Variants in ATP8B1 observed in about 807,000 individuals in gnomAD.
ATP8B1 encodes the protein phospholipid-transporting ATPase IC.
ATP8B1 carries 80 observed loss-of-function variants against 149.9 expected under a neutral mutation model. The observed-to-expected ratio is 0.53, with a 90% CI of 0.45 to 0.64. The LOEUF is 0.64. ATP8B1 is among the 30% of genes least tolerant of loss of function. The probability of loss-of-function intolerance (pLI) is 0.00; values close to 1 mark genes in which losing one functional copy is unlikely to be tolerated. For missense variants in ATP8B1, 1,247 were observed against 1,552.6 expected, an observed-to-expected ratio of 0.80 and a Z score of 3.31; for synonymous variants, 536 against 562.8, an observed-to-expected ratio of 0.95 and a Z score of 0.67.
intron 1 of ATP8B1, among the ~76,000 whole-genome samples, chr18:57,759,082 G>GGAGGTGGA (rs2080117062): frequency 6.7e-6 from 1 of 148,392 alleles, no homozygotes. Context: ...CTTGAACCCG[G>GGAGGTGGA]GAGGTGGAGG....
At chr18:57,673,877 T>C (rs2122742612) in intron 16 of ATP8B1, among the ~76,000 whole-genome samples, 2 of 152,304 alleles carry the variant, frequency 1.3e-5, no homozygotes, top group East Asian at 3.9e-4. Context: ...TGTGCCTGCA[T>C]TGCAGATATG....
chr18:57,798,354 C>T (rs150654168), intron 1 of ATP8B1, among the ~76,000 whole-genome samples: 214 of 151,546 alleles, frequency 1.4e-3, no homozygotes, highest in Non-Finnish European at 2.6e-3. Context: ...GGCAGGAGAA[C>T]TGCTTGAGCC....
intron 1 of ATP8B1, among the ~76,000 whole-genome samples, chr18:57,766,161 A>T (rs980011104): frequency 6.6e-6 from 1 of 150,850 alleles, no homozygotes; most frequent in Non-Finnish European, 1.5e-5. Context: ...CTCCTGCCTC[A>T]GCCTCCCAAG....
At chr18:57,717,449 G>A (rs1361062843) in intron 2 of ATP8B1, among the ~76,000 whole-genome samples, 1 of 148,726 alleles carries the variant, frequency 6.7e-6, no homozygotes, top group Non-Finnish European at 1.5e-5. Context: ...TGGGGAGGCT[G>A]AGGCAGGAGA....
intron 1 of ATP8B1, among the ~76,000 whole-genome samples, chr18:57,755,758 G>A (rs79274880): frequency 0.017 from 2,533 of 152,222 alleles, 44 homozygotes; most frequent in African/African-American, 0.055. Flanking sequence ...TCCAGGCCTT[G>A]AAAACAGAGA....
chr18:57,739,797 T>C (rs2079892078), intron 1 of ATP8B1, among the ~76,000 whole-genome samples: 3 of 152,172 alleles, frequency 2.0e-5, no homozygotes, highest in Admixed American at 2.0e-4. Context: ...CCAAAAACCA[T>C]TGTCCAAGAT....
intron 1 of ATP8B1, among the ~76,000 whole-genome samples, chr18:57,792,741 T>C (rs560677324): frequency 4.2e-4 from 64 of 152,194 alleles, no homozygotes; most frequent in African/African-American, 1.4e-3. Flanking sequence ...GGCTGAACTG[T>C]ATGGTACATG....
At chr18:57,785,777 A>AT (rs1425195987) in intron 1 of ATP8B1, among the ~76,000 whole-genome samples, 1 of 152,186 alleles carries the variant, frequency 6.6e-6, no homozygotes, top group African/African-American at 2.4e-5. Context: ...AAGTGTTGGG[A>AT]TTACAGGCAT....
At chr18:57,791,351 C>CTTT (rs570282416) in intron 1 of ATP8B1, among the ~76,000 whole-genome samples, 53 of 82,384 alleles carry the variant, frequency 6.4e-4, no homozygotes, top group African/African-American at 1.9e-3. Context: ...CTTTTCTTTT[C>CTTT]TTTTTTTTTT....
At chr18:57,650,308 TG>T in intron 27 of ATP8B1, 58 bp downstream of exon 27, 1 of 1,596,530 alleles carries the variant, frequency 6.3e-7, no homozygotes, top group South Asian at 1.1e-5. Context: ...AACGTGCTGT[TG>T]GGAAACGCTT....
chr18:57,753,640 A>T (rs1357863337), intron 1 of ATP8B1, among the ~76,000 whole-genome samples: 2 of 152,200 alleles, frequency 1.3e-5, no homozygotes, highest in Non-Finnish European at 2.9e-5. Context: ...TAAAAAATGA[A>T]ATACAGGCCG....
At chr18:57,713,572 C>G (rs1913841348) in intron 2 of ATP8B1, among the ~76,000 whole-genome samples, 1 of 151,636 alleles carries the variant, frequency 6.6e-6, no homozygotes, top group African/African-American at 2.4e-5. Flanking sequence ...CTCACTGCAA[C>G]CTCCACCTAC....
At chr18:57,699,346 T>G (rs1315176535) in intron 6 of ATP8B1, among the ~76,000 whole-genome samples, 1 of 152,352 alleles carries the variant, frequency 6.6e-6, no homozygotes, top group South Asian at 2.1e-4. Context: ...AAGATCTTAA[T>G]TGGCTTTATT....
At chr18:57,759,431 T>G (rs12955409) in intron 1 of ATP8B1, among the ~76,000 whole-genome samples, 55,892 of 151,922 alleles carry the variant, frequency 0.37, 10,616 homozygotes, top group Non-Finnish European at 0.41. Context: ...CAAGTAAATA[T>G]TCATTGAGAA....
chr18:57,660,677 C>A (rs554464373), intron 22 of ATP8B1, among the ~76,000 whole-genome samples: 3 of 152,112 alleles, frequency 2.0e-5, no homozygotes, highest in Non-Finnish European at 4.4e-5. Flanking sequence ...CACCACCACA[C>A]CTGGCTAATT....
At chr18:57,692,654 C>T (rs886634467) in intron 11 of ATP8B1, among the ~76,000 whole-genome samples, 8 of 151,900 alleles carry the variant, frequency 5.3e-5, no homozygotes, top group Non-Finnish European at 1.2e-4. Flanking sequence ...AGGCTGGTCT[C>T]GAACTCTTGT....
In ATP8B1 at chr18:57,784,648, AG is replaced by A. The variant is rs2080389938; in HGVS notation, c.-26+18349del. On this transcript the variant is annotated intron_variant, in intron 1 of 27. Transcript: ENST00000648908. The surrounding 1 kb of genome is among the most constrained non-coding windows in gnomAD (Gnocchi z 4.4). ...GTTCAATGCTCGAGGTGCTGTGTTTAGGGGCATGCAGGAGAGTATTATGAAA... is the reference window on the plus strand; with the variant it reads ...GTTCAATGCTCGAGGTGCTGTGTTTAGGGCATGCAGGAGAGTATTATGAAA... Among the ~76,000 whole-genome samples the A allele has an allele frequency of 6.6e-6, 1 of 151,990 alleles. No homozygotes were observed. The highest frequency in any genetic ancestry group is 2.4e-5 in the African/African-American group (1 of 41,282).
At chr18:57,740,576 T>TG (rs1196022402) in intron 1 of ATP8B1, 1 of 149,754 alleles carries the variant, frequency 6.7e-6, no homozygotes, top group African/African-American at 2.5e-5. Context: ...TTCCTTTTTT[T>TG]TTTTTTTTTT....
chr18:57,794,240 A>C (rs2080489466), intron 1 of ATP8B1, among the ~76,000 whole-genome samples: 1 of 152,164 alleles, frequency 6.6e-6, no homozygotes, highest in South Asian at 2.1e-4. Flanking sequence ...GTGTGAGTAT[A>C]AACTCATATG....
Sources: allele counts gnomAD v4.1 joint callset (sites outside exome capture counted in the v4.1 genomes callset), GRCh38; gene constraint gnomAD v4.1.1; non-coding constraint Gnocchi (gnomAD v3.1); transcripts MANE v1.5; gene names NCBI Gene and HGNC (gene_info 2026-07-23, HGNC 2026-07-21).